Variants in IGSF9B observed in about 807,000 individuals in gnomAD.
The protein encoded by IGSF9B is immunoglobulin superfamily member 9B.
In IGSF9B, 48 loss-of-function variants were observed where a neutral mutation model predicts 143.7. The ratio of observed to expected loss-of-function variants is 0.33; its 90% CI spans 0.26 to 0.42. IGSF9B has a LOEUF of 0.42. Ranked by LOEUF, IGSF9B falls within the 20% of genes least tolerant of loss-of-function variation. IGSF9B has a pLI of 1.00. For missense variants in IGSF9B, 1,706 were observed against 1,980.0 expected (o/e 0.86, Z 2.63); for synonymous variants, 903 against 833.1 (o/e 1.08, Z -1.44).
intron 1 of IGSF9B, among the ~76,000 whole-genome samples, chr11:133,950,420 G>A (rs763675242): frequency 8.5e-5 from 13 of 152,186 alleles, no homozygotes; most frequent in Non-Finnish European, 1.8e-4. Flanking sequence ...CACACGCACC[G>A]CTGTCTCCCA....
intron 19 of IGSF9B, 49 bp downstream of exon 19, chr11:133,911,837 C>G: frequency 6.9e-7 from 1 of 1,458,566 alleles, no homozygotes; most frequent in African/African-American, 1.4e-5. Context: ...CTCCTGACAA[C>G]GGCAAGGCAA....
chr11:133,951,301 A>G (rs528628639), intron 1 of IGSF9B, among the ~76,000 whole-genome samples: 2 of 152,254 alleles, frequency 1.3e-5, no homozygotes, highest in Admixed American at 1.3e-4. Context: ...ACCCGACAGC[A>G]CCTCAGAGCA....
Position 133,948,056 on chromosome 11 carries a change from CGT to C in IGSF9B, c.65-1800_65-1799del, listed in dbSNP as rs71038546. On this transcript the variant is annotated intron_variant, in intron 1 of 19. Transcript: ENST00000533871. The surrounding 1 kb of genome is among the most constrained non-coding windows in gnomAD (Gnocchi z 4.7). ...CTGTTTCTGTCTACCAGCATGTGTG[CGT>C]GTGTGTGTGTGTGTGTGTGTGTGTG... Among the ~76,000 whole-genome samples the C allele has an allele frequency of 0.075, 10,988 of 147,164 alleles. 940 individuals carry two copies. The highest frequency in any genetic ancestry group is 0.2 in the African/African-American group (7,717 of 39,124).
chr11:133,951,982 G>A lies in IGSF9B; in HGVS notation c.64+4709C>T, dbSNP rs987721624. ...AAGTCACAGGCCCCCGCTCCATCTC[G>A]GGGGCACACACGACCAGGAGGGAGG... On this transcript the variant is annotated intron_variant, in intron 1 of 19. Coordinates refer to ENST00000533871, the MANE Select transcript of IGSF9B (RefSeq NM_001277285.4). 7 of 448,848 alleles carry A rather than the reference G, an allele frequency of 1.6e-5. 1 individual carries two copies. The highest frequency in any genetic ancestry group is 4.7e-5 in the Admixed American group (2 of 42,246). The allele number at this position is 448,848 out of a possible 1,614,324, so 27.8% of individuals were successfully genotyped here.
At position 133,919,998 on chromosome 11, in the gene IGSF9B, C is replaced by CCGG; in HGVS notation, c.3724_3726dup (p.Pro1242dup). 2 of 1,581,676 alleles carry CCGG rather than the reference C, an allele frequency of 1.3e-6. No individual in the cohort carries two copies. Among genetic ancestry groups the CCGG allele is most frequent in the Non-Finnish European group, 1.7e-6 (2 of 1,163,704 alleles). On this transcript the variant is annotated inframe_insertion, in exon 18 of 20. Transcript: ENST00000533871. Reference sequence around the variant, plus strand: ...GACTTTCGAGAAAAGCTGACTGCAGCCGGCGGCTGCAGGGTGATCTCTGAC... The same window carrying CCGG: ...GACTTTCGAGAAAAGCTGACTGCAGCCGGCGGCGGCTGCAGGGTGATCTCTGAC...
Position 133,956,886 on chromosome 11 carries a change from C to T in IGSF9B, c.-132G>A, listed in dbSNP as rs1027094402. 67 of 458,156 alleles carry T rather than the reference C, an allele frequency of 1.5e-4. No individual in the cohort carries two copies. The highest frequency in any genetic ancestry group is 6.3e-4 in the Admixed American group (14 of 22,098). 28.4% of individuals were successfully genotyped at this position (458,156 alleles called of 1,614,324 possible). A position where few individuals can be genotyped will look rare whatever the true frequency, so the allele number is the denominator to read the frequency against. ...GCCCCGCGCCGGTGCTCCTGCAGCC[C>T]GGGTGGCCAGCTCTCCATCCCTCCT... On this transcript the variant is annotated 5_prime_UTR_variant, in exon 1 of 20. Coordinates refer to ENST00000533871, the MANE Select transcript of IGSF9B (RefSeq NM_001277285.4).
chr11:133,946,143 T>C lies in IGSF9B; in HGVS notation c.180A>G (p.Val60=). 1 of 1,612,852 alleles carries C rather than the reference T, an allele frequency of 6.2e-7. No individual in the cohort carries two copies. The highest frequency in any genetic ancestry group is 1.1e-5 in the South Asian group (1 of 90,674). ...PVTGQPPPYV[V]EWFKFGVPIP... ...TGGGGACCCCGAACTTGAACCACTCTACGACATAGGGTGGGGGCTGTCCCG... is the reference window on the plus strand; with the variant it reads ...TGGGGACCCCGAACTTGAACCACTCCACGACATAGGGTGGGGGCTGTCCCG... The change falls in exon 2 of 20, where the codon GTA becomes GTG. Residue 60 remains valine (V), a synonymous_variant. Transcript: ENST00000533871.
chr11:133,927,189 G>C lies in IGSF9B; in HGVS notation c.1632-98C>G, dbSNP rs1289412266. 3 of 985,388 alleles carry C rather than the reference G, an allele frequency of 3.0e-6. No homozygotes were observed. In the East Asian group the frequency reaches 8.0e-5, roughly 26 times the overall value. 61.0% of individuals were successfully genotyped at this position (985,388 alleles called of 1,614,324 possible). On this transcript the variant is annotated intron_variant, in intron 12 of 19. Coordinates refer to ENST00000533871, the MANE Select transcript of IGSF9B (RefSeq NM_001277285.4). ...CAGGGTGCTCAGGGAGAAGGCACTG[G>C]TGGGCCTGGCGTTCCTAGGTTCAAG...
At position 133,909,453 on chromosome 11, in the gene IGSF9B, C is replaced by T. The variant is rs1939266928; in HGVS notation, c.4106-176G>A. Among the ~76,000 whole-genome samples, 1 of 152,166 alleles carries T rather than the reference C, an allele frequency of 6.6e-6. No individual in the cohort carries two copies. Among genetic ancestry groups the T allele is most frequent in the Non-Finnish European group, 1.5e-5 (1 of 68,036 alleles). On this transcript the variant is annotated intron_variant, in intron 19 of 19. Coordinates refer to ENST00000533871, the MANE Select transcript of IGSF9B (RefSeq NM_001277285.4). The surrounding 1 kb of genome is among the most constrained non-coding windows in gnomAD (Gnocchi z 4.2). ...TGCAGAGAAACCACCTTCTTTTCCGCCAAGACAACCAGCAACCTGACCCTG... is the reference window on the plus strand; with the variant it reads ...TGCAGAGAAACCACCTTCTTTTCCGTCAAGACAACCAGCAACCTGACCCTG...
chr11:133,917,652 C>G (rs1350174747), intron 18 of IGSF9B, among the ~76,000 whole-genome samples: 3 of 152,200 alleles, frequency 2.0e-5, no homozygotes, highest in Admixed American at 1.3e-4. Flanking sequence ...TACAAAGCCC[C>G]ATAGGACTGC....
intron 14 of IGSF9B, 59 bp from the exon 15 acceptor site, chr11:133,924,963 TCACA>T: frequency 1.4e-6 from 2 of 1,384,856 alleles, no homozygotes; most frequent in South Asian, 2.3e-5. Context: ...CACTGTCCCC[TCACA>T]CACTCATCCT....
chr11:133,911,674 T>C (rs2121270284), intron 19 of IGSF9B, among the ~76,000 whole-genome samples: 1 of 152,312 alleles, frequency 6.6e-6, no homozygotes, highest in Middle Eastern at 3.4e-3. Flanking sequence ...TTTCTCGTTT[T>C]GTATATGAAA....
rs543552543 is a variant in IGSF9B, at chr11:133,905,650, G to A, written c.*3419C>T. ...CACCTCAAAGGAGGGCACAGACCCC[G>A]CCAGCCTGCTGGGAAAAAGGCGTCC... On this transcript the variant is annotated 3_prime_UTR_variant, in exon 20 of 20. Transcript: ENST00000533871. The surrounding 1 kb of genome is among the most constrained non-coding windows in gnomAD (Gnocchi z 4.0). 5.1e-4 allele frequency among the ~76,000 whole-genome samples: 78 copies of A among 152,312 alleles called. No homozygotes were observed. The highest frequency in any genetic ancestry group is 3.9e-3 in the South Asian group (19 of 4,826).
At position 133,907,129 on chromosome 11, in the gene IGSF9B, T is replaced by C. The variant is rs1223691878; in HGVS notation, c.*1940A>G. 6.6e-6 allele frequency among the ~76,000 whole-genome samples: 1 copy of C among 152,118 alleles called. No homozygotes were observed. Among genetic ancestry groups the C allele is most frequent in the Non-Finnish European group, 1.5e-5 (1 of 68,016 alleles). ...TGCACGGCCCAGTCTCAGAAGCCCC[T>C]GCGTGCCTCTCTCACCATGACCCCT... On this transcript the variant is annotated 3_prime_UTR_variant, in exon 20 of 20. Transcript: ENST00000533871.
intron 1 of IGSF9B, among the ~76,000 whole-genome samples, chr11:133,951,269 T>C (rs568467513): frequency 2.6e-5 from 4 of 152,326 alleles, no homozygotes; most frequent in African/African-American, 9.6e-5. Context: ...GCCTTCTGCC[T>C]GCGGGAAAGC....
Position 133,903,111 on chromosome 11 carries a change from G to A in IGSF9B, c.*5958C>T, listed in dbSNP as rs1489112492. On this transcript the variant is annotated 3_prime_UTR_variant, in exon 20 of 20. Transcript: ENST00000533871. Reference sequence around the variant, plus strand: ...CTGGAGCCATACAGAAGTGGGGAAAGGAAAAGGGAAGGGAAGCTAACTGGT... The same window carrying A: ...CTGGAGCCATACAGAAGTGGGGAAAAGAAAAGGGAAGGGAAGCTAACTGGT... 2.0e-5 allele frequency among the ~76,000 whole-genome samples: 3 copies of A among 152,038 alleles called. No individual in the cohort carries two copies. Among genetic ancestry groups the A allele is most frequent in the Admixed American group, 6.6e-5 (1 of 15,264 alleles).
intron 1 of IGSF9B, among the ~76,000 whole-genome samples, chr11:133,947,708 T>TTCTCTCTCTC (rs112387633): frequency 0.073 from 9,891 of 134,770 alleles, 489 homozygotes; most frequent in South Asian, 0.14. Context: ...TCTGTGTTTG[T>TTCTCTCTCTC]TCTCTCTCTC....
In IGSF9B at chr11:133,946,317, C is replaced by A. The variant is rs545510334; in HGVS notation, c.65-59G>T. 4 of 1,470,914 alleles carry A rather than the reference C, an allele frequency of 2.7e-6. No individual in the cohort carries two copies. In the Admixed American group the frequency reaches 7.1e-5, roughly 26 times the overall value. The allele number at this position is 1,470,914 out of a possible 1,614,324, so 91.1% of individuals were successfully genotyped here. A position where few individuals can be genotyped will look rare whatever the true frequency, so the allele number is the denominator to read the frequency against. ...AGGTGACAAAGAGATCCTGCCCCAG[C>A]AGCCCCATGTCCGTGTCACAGGGTC... On this transcript the variant is annotated intron_variant, in intron 1 of 19. Coordinates refer to ENST00000533871, the MANE Select transcript of IGSF9B (RefSeq NM_001277285.4).
At chr11:133,938,943 G>A (rs892682292) in intron 3 of IGSF9B, among the ~76,000 whole-genome samples, 1 of 152,172 alleles carries the variant, frequency 6.6e-6, no homozygotes, top group Non-Finnish European at 1.5e-5. Context: ...CTTGTAAAAT[G>A]CACCAGTTGC....
Sources: allele counts gnomAD v4.1 joint callset (sites outside exome capture counted in the v4.1 genomes callset), GRCh38; gene constraint gnomAD v4.1.1; non-coding constraint Gnocchi (gnomAD v3.1); transcripts MANE v1.5; gene names NCBI Gene and HGNC (gene_info 2026-07-23, HGNC 2026-07-21).